The following INSRR variants were observed in gnomAD, a reference collection of about 807,000 sequenced individuals.
INSRR encodes insulin receptor related receptor, also known as insulin receptor-related protein.
Under a neutral mutation model 130.0 loss-of-function variants are expected in INSRR, and 114 were observed. The observed-to-expected ratio is 0.88, with a 90% CI of 0.75 to 1.02. INSRR has a LOEUF of 1.02. INSRR is among the 50% of genes least tolerant of loss of function. The probability of loss-of-function intolerance (pLI) is 0.00; values close to 1 mark genes in which losing one functional copy is unlikely to be tolerated. For synonymous variants in INSRR, 674 were observed against 705.2 expected, an observed-to-expected ratio of 0.96 and a Z score of 0.70; for missense variants, 1,657 against 1,735.2, an observed-to-expected ratio of 0.95 and a Z score of 0.80.
intron 1 of INSRR, among the ~76,000 whole-genome samples, chr1:156,855,242 C>T (rs912982551): frequency 2.2e-5 from 3 of 138,068 alleles, no homozygotes; most frequent in Non-Finnish European, 4.8e-5. Context: ...CTCACTCTGT[C>T]GCCCAGGCTA....
intron 6 of INSRR, 99 bp downstream of exon 6, chr1:156,849,147 G>C: frequency 1.3e-6 from 2 of 1,598,720 alleles, no homozygotes; most frequent in Non-Finnish European, 1.7e-6. Context: ...CCTCTGAGGA[G>C]AACTTCTCAG....
chr1:156,851,585 T>C, intron 4 of INSRR, 61 bp downstream of exon 4: 1 of 1,611,976 alleles, frequency 6.2e-7, no homozygotes, highest in Non-Finnish European at 8.5e-7. Context: ...ATTGTAAGGG[T>C]TGTGTCTGGG....
intron 2 of INSRR, among the ~76,000 whole-genome samples, chr1:156,853,119 T>A (rs1011894185): frequency 6.6e-6 from 1 of 152,110 alleles, no homozygotes; most frequent in African/African-American, 2.4e-5. Context: ...ATCCTAAAGG[T>A]CCCACCTTAC....
At chr1:156,841,845 A>C (rs1490895712) in intron 19 of INSRR, 51 bp from the exon 20 acceptor site, 1 of 1,613,840 alleles carries the variant, frequency 6.2e-7, no homozygotes, top group Admixed American at 1.7e-5. Flanking sequence ...AGAGCCACGC[A>C]CTAGCTCCTG....
intron 19 of INSRR, 86 bp from the exon 20 acceptor site, chr1:156,841,880 TCTC>T: frequency 6.2e-7 from 1 of 1,607,092 alleles, no homozygotes; most frequent in Non-Finnish European, 8.5e-7. Context: ...CTCCCAATCT[TCTC>T]ATCCTCCAGA....
Position 156,848,079 on chromosome 1 carries a change from C to T in INSRR, c.1571+842G>A, listed in dbSNP as rs958169788. On this transcript the variant is annotated intron_variant, in intron 7 of 21. Transcript: ENST00000368195. ...AATCAGAATCAGTGGGGGGCGAGGC[C>T]CAGGAATCTGTATTTAACAAACTCT... Among the ~76,000 whole-genome samples the T allele has an allele frequency of 4.6e-5, 7 of 151,924 alleles. No individual in the cohort carries two copies. The East Asian group carries it at 1.4e-3, about 29-fold the overall frequency.
Position 156,846,514 on chromosome 1 carries a change from C to G in INSRR, c.1810+5G>C. 2 of 1,610,748 alleles carry G rather than the reference C, an allele frequency of 1.2e-6. No homozygotes were observed. Among genetic ancestry groups the G allele is most frequent in the Non-Finnish European group, 1.7e-6 (2 of 1,177,152 alleles). On this transcript the variant is annotated splice_donor_5th_base_variant and intron_variant, in intron 8 of 21. Transcript: ENST00000368195. Reference sequence around the variant, plus strand: ...GACTGACTCTTGCACCCTCCAAATGCCTACCTGCAGGCAGCGTTCGGAGGT... The same window carrying G: ...GACTGACTCTTGCACCCTCCAAATGGCTACCTGCAGGCAGCGTTCGGAGGT...
In INSRR at chr1:156,846,047, G is replaced by C. The variant is rs780030769; in HGVS notation, c.1883C>G (p.Pro628Arg). ...GGTGAGGTTCCCATTGCGCTGGGTC[G>C]GTGGCTTCCAGCGCACCAGGAGGTG... ...SSHLLVRWKP[P>R]TQRNGNLTYY... Residue 628 changes from proline (P) to arginine (R), a missense_variant, in exon 9 of 22, where the codon CCG becomes CGG. Physicochemically the swap from Pro to Arg is moderately radical, Grantham distance 103. Coordinates refer to ENST00000368195, the MANE Select transcript of INSRR (RefSeq NM_014215.3). The C allele has an allele frequency of 9.3e-6, 15 of 1,613,228 alleles. No individual in the cohort carries two copies. The Admixed American group carries it at 2.2e-4, about 23-fold the overall frequency.
rs1432935301 is a variant in INSRR at position 156,849,300 on chromosome 1, C to G, written c.1390G>C (p.Gly464Arg). ...TTGATCTCAGCCTTGTTCTGCCGACCTCGCGTGCCTGTCACCTCCTCCAGT... is the reference window on the plus strand; with the variant it reads ...TTGATCTCAGCCTTGTTCTGCCGACGTCGCGTGCCTGTCACCTCCTCCAGT... ...YRLEEVTGTR[G>R]RQNKAEINPR... The change falls in exon 6 of 22, where the codon GGT (glycine) becomes CGT (arginine). Residue 464 changes from glycine to arginine, a missense_variant. Transcript: ENST00000368195. 1 of 1,613,978 alleles carries G rather than the reference C, an allele frequency of 6.2e-7. No individual in the cohort carries two copies. Among genetic ancestry groups the G allele is most frequent in the East Asian group, 2.2e-5 (1 of 44,864 alleles).
chr1:156,845,337 C>A, intron 11 of INSRR, 35 bp downstream of exon 11: 1 of 1,608,038 alleles, frequency 6.2e-7, no homozygotes, highest in Non-Finnish European at 8.5e-7. Flanking sequence ...GCCCCCAAAG[C>A]CACGCCCCTC....
intron 15 of INSRR, among the ~76,000 whole-genome samples, chr1:156,843,835 A>G (rs1419979787): frequency 6.6e-6 from 1 of 152,174 alleles, no homozygotes; most frequent in Non-Finnish European, 1.5e-5. Flanking sequence ...TTCTTCTCCT[A>G]ATAAGGGACA....
chr1:156,843,317 G>A, intron 16 of INSRR, 84 bp from the exon 17 acceptor site: 1 of 1,564,376 alleles, frequency 6.4e-7, no homozygotes, highest in Non-Finnish European at 8.8e-7. Context: ...CTCTTCTGAA[G>A]GGCTCTTGTC....
In INSRR at chr1:156,854,273, A is replaced by G; in HGVS notation, c.116T>C (p.Val39Ala). The G allele has an allele frequency of 1.2e-6, 2 of 1,612,874 alleles. No individual in the cohort carries two copies. The highest frequency in any genetic ancestry group is 1.7e-6 in the Non-Finnish European group (2 of 1,179,628). Residue 39 changes from valine (V) to alanine (A), a missense_variant, in exon 2 of 22, where the codon GTG becomes GCG. Transcript: ENST00000368195. This position sits in a 1 kb window ranked among gnomAD's most constrained non-coding sequence, Gnocchi z 4.2. Reference protein sequence around the residue: ...VCPSLDIRSEVAELRQLENCS... With the variant: ...VCPSLDIRSEAAELRQLENCS... ...GTTCTCCAGCTGACGAAGCTCTGCC[A>G]CCTCTGAGCGAATATCCAGGCTGGG...
At chr1:156,845,018 T>C in intron 12 of INSRR, 58 bp downstream of exon 12, 5 of 1,554,218 alleles carry the variant, frequency 3.2e-6, no homozygotes, top group Non-Finnish European at 3.5e-6. Context: ...CCCAAACCTT[T>C]GCACAGGGTC....
intron 20 of INSRR, 45 bp downstream of exon 20, chr1:156,841,619 TC>T (rs1311021229): frequency 1.2e-6 from 2 of 1,609,728 alleles, no homozygotes; most frequent in African/African-American, 2.7e-5. Context: ...CCTCCCCAGA[TC>T]CCGCCTCCAC....
rs1313647894 is a variant in INSRR at position 156,845,366 on chromosome 1, G to T, written c.2216+6C>A. ...GCCCCTCAGCACCTGCCCTAGTCCT[G>T]CTCACCTTTGGGGGCTCTTGTTGAT... is the stretch of plus-strand genomic sequence containing the variant. On this transcript the variant is annotated splice_donor_region_variant and intron_variant, in intron 11 of 21. Coordinates refer to ENST00000368195, the MANE Select transcript of INSRR (RefSeq NM_014215.3). 2.5e-6 allele frequency: 4 copies of T among 1,590,282 alleles called. No homozygotes were observed. The highest frequency in any genetic ancestry group is 2.2e-5 in the East Asian group (1 of 44,582).
intron 6 of INSRR, 21 bp from the exon 7 acceptor site, chr1:156,849,068 GC>G: frequency 6.2e-7 from 1 of 1,606,250 alleles, no homozygotes; most frequent in Non-Finnish European, 8.5e-7. Flanking sequence ...CGAGGGGCCT[GC>G]TCGCAACCGC....
chr1:156,854,614 C>T lies in INSRR; in HGVS notation c.86-311G>A, dbSNP rs956384965. Among the ~76,000 whole-genome samples the T allele has an allele frequency of 4.6e-5, 7 of 152,234 alleles. No individual in the cohort carries two copies. The highest frequency in any genetic ancestry group is 1.2e-4 in the African/African-American group (5 of 41,464). ...CCCAACGACTGCAAGCGACTCCCAG[C>T]GACTTCATTCTTGCAGTCACCCTTA... is the stretch of plus-strand genomic sequence containing the variant. On this transcript the variant is annotated intron_variant, in intron 1 of 21. Coordinates refer to ENST00000368195, the MANE Select transcript of INSRR (RefSeq NM_014215.3). This position sits in a 1 kb window ranked among gnomAD's most constrained non-coding sequence, Gnocchi z 4.2.
Position 156,843,220 on chromosome 1 carries a change from A to T in INSRR, c.2910T>A (p.Asp970Glu), listed in dbSNP as rs757666243. 5 of 1,613,872 alleles carry T rather than the reference A, an allele frequency of 3.1e-6. No homozygotes were observed. The highest frequency in any genetic ancestry group is 4.2e-6 in the Non-Finnish European group (5 of 1,179,972). Reference sequence around the variant, plus strand: ...TCTGCTCCCGAGGCACCTCCCATTCATCAGGGACATACACTGCAAGGAGGT... The same window carrying T: ...TCTGCTCCCGAGGCACCTCCCATTCTTCAGGGACATACACTGCAAGGAGGT... The part of the protein sequence containing the change: ...YFSASDMYVP[D>E]EWEVPREQIS... The change falls in exon 17 of 22, where the codon GAT (aspartate) becomes GAA (glutamate). Residue 970 changes from aspartate (D) to glutamate (E), a missense_variant. Transcript: ENST00000368195.
Sources: allele counts gnomAD v4.1 joint callset (sites outside exome capture counted in the v4.1 genomes callset), GRCh38; gene constraint gnomAD v4.1.1; non-coding constraint Gnocchi (gnomAD v3.1); transcripts MANE v1.5; gene names NCBI Gene and HGNC (gene_info 2026-07-23, HGNC 2026-07-21).